The following LAMB1 variants were observed in gnomAD, a reference collection of about 807,000 sequenced individuals.
LAMB1 encodes laminin subunit beta-1.
Under a neutral mutation model 222.3 loss-of-function variants are expected in LAMB1, and 121 were observed. The ratio of observed to expected loss-of-function variants is 0.54; its 90% confidence interval spans 0.47 to 0.63. The LOEUF (loss-of-function observed/expected upper bound fraction) is 0.63, where lower values mean the gene tolerates loss of function less well. Ranked by LOEUF, LAMB1 falls within the 30% of genes least tolerant of loss-of-function variation. The pLI is 0.00. For missense variants in LAMB1, 2,172 were observed against 2,240.8 expected (o/e 0.97, Z 0.62); for synonymous variants, 794 against 807.2 (o/e 0.98, Z 0.28).
intron 24 of LAMB1, among the ~76,000 whole-genome samples, chr7:107,950,392 T>C (rs1392559245): frequency 1.3e-5 from 2 of 151,660 alleles, no homozygotes; most frequent in East Asian, 3.9e-4. Flanking sequence ...AAAAACAGAG[T>C]TGCAACAGCC....
intron 4 of LAMB1, among the ~76,000 whole-genome samples, chr7:107,996,745 A>C (rs1159261820): frequency 1.3e-5 from 2 of 152,202 alleles, no homozygotes; most frequent in Non-Finnish European, 2.9e-5. Flanking sequence ...AACTAAGAAA[A>C]ACCTTCCTCT....
intron 8 of LAMB1, among the ~76,000 whole-genome samples, chr7:107,978,371 T>C (rs933703119): frequency 4.6e-5 from 7 of 151,918 alleles, no homozygotes; most frequent in Non-Finnish European, 1.5e-5. Context: ...ATCTCTAGAA[T>C]GTTCCTATTA....
rs772467141 is a variant in LAMB1 at position 107,929,215 on chromosome 7, AAAT to A, written c.4746-13_4746-11del. On this transcript the variant is annotated splice_polypyrimidine_tract_variant and intron_variant, in intron 30 of 33. Coordinates refer to ENST00000222399, the MANE Select transcript of LAMB1 (RefSeq NM_002291.3). Reference sequence around the variant, plus strand: ...ATCTGTTGCACTTTTGCTGAGTAAAAAATAATGAGACAGTATATTGTTGCTGAA... The same window carrying A: ...ATCTGTTGCACTTTTGCTGAGTAAAAAATGAGACAGTATATTGTTGCTGAA... The A allele has an allele frequency of 1.5e-5, 24 of 1,613,828 alleles. No homozygotes were observed. In the South Asian group the frequency reaches 2.1e-4, roughly 14 times the overall value.
rs760790426 is a variant in LAMB1 at position 107,994,942 on chromosome 7, A to G, written c.368T>C (p.Ile123Thr). ...GAATTCTGCTTCCAAATCCAGTTGGATAGTTACATTTTCCACACCTACAGG... is the reference window on the plus strand; with the variant it reads ...GAATTCTGCTTCCAAATCCAGTTGGGTAGTTACATTTTCCACACCTACAGG... The part of the protein sequence containing the change: ...QSENGVENVT[I>T]QLDLEAEFHF... The change falls in exon 5 of 34, where the codon ATC (isoleucine) becomes ACC (threonine). Residue 123 changes from isoleucine (I) to threonine (T), a missense_variant. Coordinates refer to ENST00000222399, the MANE Select transcript of LAMB1 (RefSeq NM_002291.3). The G allele has an allele frequency of 1.3e-6, 2 of 1,597,270 alleles. No individual in the cohort carries two copies. The highest frequency in any genetic ancestry group is 1.7e-6 in the Non-Finnish European group (2 of 1,165,448).
intron 16 of LAMB1, 74 bp from the exon 17 acceptor site, chr7:107,961,403 A>G (rs1258274425): frequency 1.3e-6 from 2 of 1,593,872 alleles, no homozygotes; most frequent in Admixed American, 3.6e-5. Flanking sequence ...AATTAAAAAC[A>G]AAGCTCTGCA....
intron 5 of LAMB1, among the ~76,000 whole-genome samples, chr7:107,993,618 G>A (rs901726229): frequency 6.6e-6 from 1 of 152,204 alleles, no homozygotes; most frequent in African/African-American, 2.4e-5. Flanking sequence ...ATGAACAGAT[G>A]CCCTCTGCAA....
chr7:107,946,271 C>T (rs2033113944), intron 24 of LAMB1, among the ~76,000 whole-genome samples: 1 of 152,204 alleles, frequency 6.6e-6, no homozygotes, highest in Admixed American at 6.5e-5. Context: ...TTATTTCTTA[C>T]ATGGGATTTT....
chr7:107,975,959 G>C (rs2033846110), intron 9 of LAMB1, 82 bp from the exon 10 acceptor site: 14 of 1,223,478 alleles, frequency 1.1e-5, no homozygotes, highest in Non-Finnish European at 1.5e-5. Context: ...AGATCCTTTA[G>C]GAAACCAGGG....
At chr7:107,983,725 T>G (rs2034018570) in intron 7 of LAMB1, among the ~76,000 whole-genome samples, 1 of 151,804 alleles carries the variant, frequency 6.6e-6, no homozygotes, top group Admixed American at 6.6e-5. Context: ...ACCATGTTGG[T>G]CAGGATGGTC....
At chr7:107,924,456 T>C (rs2032512188) in intron 32 of LAMB1, 67 bp from the exon 33 acceptor site, 3 of 1,267,776 alleles carry the variant, frequency 2.4e-6, no homozygotes, top group East Asian at 4.9e-5. Flanking sequence ...TTAAGAGCAA[T>C]AGTGTAATCA....
Position 107,924,256 on chromosome 7 carries a change from G to A in LAMB1, c.5198C>T (p.Ala1733Val). 6.2e-7 allele frequency: 1 copy of A among 1,611,632 alleles called. No individual in the cohort carries two copies. ...TTTGAGCAGTTGCAGCTTGCTATTT[G>A]CTTGAGCTAAAAGAGTTTTTGCTTC... ...QNEAKTLLAQ[A>V]NSKLQLLKDL... Residue 1733 changes from alanine (A) to valine (V), a missense_variant, in exon 33 of 34, where the codon GCA becomes GTA. Ala to Val is a moderately conservative substitution (Grantham distance 64). Transcript: ENST00000222399.
chr7:107,960,467 G>A lies in LAMB1; in HGVS notation c.2292C>T (p.Ala764=), dbSNP rs569882591. ...VCRNIIFSIS[A]LLHQTGLACE... is the part of the protein sequence containing the mutation. ...TACCCAGGCCTGTCTGGTGTAACAG[G>A]GCAGAAATGCTAAAGATGATGTTTC... The change falls in exon 18 of 34, where the codon GCC becomes GCT. Residue 764 remains alanine (A), a synonymous_variant. Coordinates refer to ENST00000222399, the MANE Select transcript of LAMB1 (RefSeq NM_002291.3). 92 of 1,613,966 alleles carry A rather than the reference G, an allele frequency of 5.7e-5. No individual in the cohort carries two copies. The South Asian group carries it at 9.6e-4, about 17-fold the overall frequency.
At position 108,002,989 on chromosome 7, in the gene LAMB1, A is replaced by C. The variant is rs965945445; in HGVS notation, c.-86-18T>G. The C allele has an allele frequency of 2.4e-5, 37 of 1,567,428 alleles. No homozygotes were observed. The highest frequency in any genetic ancestry group is 3.0e-5 in the Non-Finnish European group (35 of 1,164,246). The stretch of plus-strand genomic sequence containing the variant: ...CTTCCTTTCTGGAGAGGTGGAAAGG[A>C]GGGGAAAAAAGGCAAATGTTCAAAG... On this transcript the variant is annotated intron_variant, in intron 1 of 33. Coordinates refer to ENST00000222399, the MANE Select transcript of LAMB1 (RefSeq NM_002291.3).
intron 24 of LAMB1, among the ~76,000 whole-genome samples, chr7:107,945,396 C>T (rs994841386): frequency 6.6e-6 from 1 of 152,194 alleles, no homozygotes. Context: ...CTTCCTGTGC[C>T]CACTGAACAA....
rs1392055212 is a variant in LAMB1, at chr7:107,935,570, T to C, written c.4033A>G (p.Thr1345Ala). The C allele has an allele frequency of 1.9e-6, 3 of 1,613,932 alleles. No individual in the cohort carries two copies. The highest frequency in any genetic ancestry group is 3.3e-5 in the Admixed American group (2 of 60,000). ...CTCATGAGGGCTGACTGCTCCACAG[T>C]GCTGTTGGGTTCTGTGGTGGAGGCA... Reference protein sequence around the residue: ...VNASTTEPNSTVEQSALMRDR... With the variant: ...VNASTTEPNSAVEQSALMRDR... Residue 1345 changes from threonine (T) to alanine (A), a missense_variant, in exon 27 of 34, where the codon ACT becomes GCT. Transcript: ENST00000222399.
Position 107,986,074 on chromosome 7 carries a change from A to G in LAMB1, c.624T>C (p.Arg208=). The change falls in exon 7 of 34, where the codon CGT becomes CGC. Residue 208 remains arginine (R), a synonymous_variant. Transcript: ENST00000222399. Reference sequence around the variant, plus strand: ...CTATTTTGAAAGCAGGATCTAAAGCACGAAATATCACCTAAAAATGGAAAC... The same window carrying G: ...CTATTTTGAAAGCAGGATCTAAAGCGCGAAATATCACCTAAAAATGGAAAC... ...EPSTEGEVIF[R]ALDPAFKIED... is the part of the protein sequence containing the mutation. 1 of 1,612,490 alleles carries G rather than the reference A, an allele frequency of 6.2e-7. No individual in the cohort carries two copies. The highest frequency in any genetic ancestry group is 8.5e-7 in the Non-Finnish European group (1 of 1,178,448).
intron 4 of LAMB1, among the ~76,000 whole-genome samples, chr7:107,996,327 A>T (rs980867764): frequency 1.3e-5 from 2 of 152,192 alleles, no homozygotes; most frequent in Non-Finnish European, 2.9e-5. Context: ...ATCCACAGAG[A>T]AAAGAAACAA....
chr7:107,931,916 T>C (rs770603919), intron 28 of LAMB1, among the ~76,000 whole-genome samples: 18 of 152,204 alleles, frequency 1.2e-4, no homozygotes, highest in Non-Finnish European at 2.1e-4. Context: ...GATGGCTATC[T>C]CAAATTATCC....
At chr7:107,925,083 C>G (rs1480483535) in intron 32 of LAMB1, among the ~76,000 whole-genome samples, 1 of 152,136 alleles carries the variant, frequency 6.6e-6, no homozygotes, top group Non-Finnish European at 1.5e-5. Flanking sequence ...ACAGAAAAGA[C>G]AGCTGTCTGA....
Sources: allele counts gnomAD v4.1 joint callset (sites outside exome capture counted in the v4.1 genomes callset), GRCh38; gene constraint gnomAD v4.1.1; transcripts MANE v1.5; gene names NCBI Gene and HGNC (gene_info 2026-07-23, HGNC 2026-07-21).